GLIS3: variants seen among roughly 807,000 people sequenced by gnomAD.
GLIS3 encodes zinc finger protein GLIS3.
GLIS3 carries 53 observed loss-of-function variants against 78.6 expected under a neutral mutation model. The observed-to-expected ratio is 0.67, with a 90% confidence interval of 0.54 to 0.85. The LOEUF (loss-of-function observed/expected upper bound fraction) is 0.85, where lower values mean the gene tolerates loss of function less well. Ranked by LOEUF, GLIS3 falls within the 40% of genes least tolerant of loss-of-function variation. The pLI, the probability that GLIS3 is intolerant of heterozygous loss-of-function variation, is 0.00. For missense variants in GLIS3, 1,703 were observed against 1,231.1 expected, an observed-to-expected ratio of 1.38 and a Z score of -5.74; for synonymous variants, 684 against 509.9, an observed-to-expected ratio of 1.34 and a Z score of -4.60.
chr9:4,048,657 T>G (rs1320451347), intron 4 of GLIS3, among the ~76,000 whole-genome samples: 1 of 152,084 alleles, frequency 6.6e-6, no homozygotes, highest in Non-Finnish European at 1.5e-5. Flanking sequence ...CCATGATCAA[T>G]AGGTGGCAGC....
At chr9:4,159,897 A>T (rs1279326446) in intron 2 of GLIS3, among the ~76,000 whole-genome samples, 1 of 152,220 alleles carries the variant, frequency 6.6e-6, no homozygotes, top group Non-Finnish European at 1.5e-5. Context: ...AGAAGAGCTC[A>T]GACTCATGTC....
chr9:4,064,923 G>C (rs1484427171), intron 4 of GLIS3, among the ~76,000 whole-genome samples: 1 of 152,178 alleles, frequency 6.6e-6, no homozygotes, highest in Non-Finnish European at 1.5e-5. Flanking sequence ...CCAGGGAGCT[G>C]TAAGTATTTG....
intron 4 of GLIS3, among the ~76,000 whole-genome samples, chr9:4,069,249 G>C (rs1425165400): frequency 1.3e-5 from 2 of 152,142 alleles, no homozygotes; most frequent in African/African-American, 4.8e-5. Flanking sequence ...TCCAGATTTT[G>C]AGACTTACAG....
the GLIS3 span, among the ~76,000 whole-genome samples, chr9:4,418,202 C>A: frequency 6.6e-6 from 1 of 152,218 alleles, no homozygotes; most frequent in Non-Finnish European, 1.5e-5. Flanking sequence ...TTTGAAGAAG[C>A]TATTCTGAAA....
intron 4 of GLIS3, among the ~76,000 whole-genome samples, chr9:4,081,611 T>C (rs1190366984): frequency 4.6e-5 from 7 of 152,166 alleles, no homozygotes; most frequent in African/African-American, 1.4e-4. Context: ...GTTGGAAATA[T>C]ATTTTGATTG....
chr9:4,437,430 A>ATCTATCTATCTATCTG, the GLIS3 span, among the ~76,000 whole-genome samples: 159 of 89,828 alleles, frequency 1.8e-3, no homozygotes, highest in African/African-American at 4.7e-3. Flanking sequence ...GTATCTATCT[A>ATCTATCTATCTATCTG]TCTATCTATC....
At chr9:4,359,041 G>A in the GLIS3 span, among the ~76,000 whole-genome samples, 1 of 152,104 alleles carries the variant, frequency 6.6e-6, no homozygotes, top group African/African-American at 2.4e-5. Context: ...GCAGAGACTT[G>A]CAAAGTTTCC....
At chr9:4,389,068 C>T in the GLIS3 span, among the ~76,000 whole-genome samples, 1 of 152,192 alleles carries the variant, frequency 6.6e-6, no homozygotes, top group Admixed American at 6.5e-5. Context: ...CTCCGTAAGC[C>T]TGAATTGGAT....
At position 3,937,133 on chromosome 9, in the gene GLIS3, C is replaced by A. The variant is rs138100080; in HGVS notation, c.1767G>T (p.Arg589=). The A allele has an allele frequency of 2.9e-4, 473 of 1,614,124 alleles. 2 individuals carry two copies. The African/African-American group carries it at 4.6e-3, about 16-fold the overall frequency. The change falls in exon 5 of 11, where the codon CGG becomes CGT. Residue 589 remains arginine, a synonymous_variant. Transcript: ENST00000381971. ...SRLENLKIHL[R]SHTGEKPYLC... is the part of the protein sequence containing the mutation. ...AATACGGCTTCTCGCCTGTGTGGCT[C>A]CGCAAGTGGATCTTGAGATTTTCAA...
intron 4 of GLIS3, among the ~76,000 whole-genome samples, chr9:4,053,580 C>T (rs1486388531): frequency 6.6e-6 from 1 of 151,400 alleles, no homozygotes; most frequent in Admixed American, 6.6e-5. Context: ...AAAACAGTCC[C>T]AGGCACATAG....
the GLIS3 span, among the ~76,000 whole-genome samples, chr9:4,375,870 C>A: frequency 6.6e-6 from 1 of 152,028 alleles, no homozygotes; most frequent in Admixed American, 6.6e-5. Context: ...TCCTAAGAAA[C>A]TTTGGAATAG....
chr9:4,459,282 G>C, the GLIS3 span, among the ~76,000 whole-genome samples: 1 of 152,202 alleles, frequency 6.6e-6, no homozygotes, highest in East Asian at 1.9e-4. Flanking sequence ...GGGAATATAA[G>C]AGAAAGATAA....
At chr9:4,173,693 A>G (rs1390216147) in intron 2 of GLIS3, among the ~76,000 whole-genome samples, 1 of 151,986 alleles carries the variant, frequency 6.6e-6, no homozygotes, top group Non-Finnish European at 1.5e-5. Context: ...ACCTCCTGGG[A>G]TCAAAAGATC....
intron 6 of GLIS3, among the ~76,000 whole-genome samples, chr9:3,931,722 G>A (rs956987048): frequency 6.6e-6 from 1 of 152,210 alleles, no homozygotes; most frequent in Non-Finnish European, 1.5e-5. Flanking sequence ...CAGGATGGTT[G>A]GTCTCTAACA....
chr9:4,315,730 T>C (rs1587381477), intron 2 of GLIS3, among the ~76,000 whole-genome samples: 1 of 152,172 alleles, frequency 6.6e-6, no homozygotes, highest in East Asian at 1.9e-4. Context: ...CTTGAGATAC[T>C]GCTCTTAACC....
the GLIS3 span, among the ~76,000 whole-genome samples, chr9:4,466,322 A>C: frequency 1.3e-5 from 2 of 152,246 alleles, no homozygotes; most frequent in African/African-American, 4.8e-5. Flanking sequence ...ACAGCTTTCC[A>C]CAAAGAAACT....
intron 1 of GLIS3, among the ~76,000 whole-genome samples, chr9:4,297,120 CA>C (rs111499278): frequency 0.078 from 10,279 of 131,712 alleles, 702 homozygotes; most frequent in African/African-American, 0.2. Context: ...ATTTTGTACC[CA>C]AAAAAAAAAA....
the GLIS3 span, among the ~76,000 whole-genome samples, chr9:4,484,244 T>TTA: frequency 6.7e-6 from 1 of 148,174 alleles, no homozygotes; most frequent in Non-Finnish European, 1.5e-5. Context: ...TTTTTATTTT[T>TTA]TTTATTTTTT....
Position 3,842,349 on chromosome 9 carries a change from G to A in GLIS3, c.2474-12857C>T, listed in dbSNP as rs113136373. On this transcript the variant is annotated intron_variant, in intron 9 of 10. Coordinates refer to ENST00000381971, the MANE Select transcript of GLIS3 (RefSeq NM_001042413.2). Reference sequence around the variant, plus strand: ...TAGTCTGGTATGGTGGTGGGTGCCTGTAATCCCAGCTACTCGGCAGGCTGA... The same window carrying A: ...TAGTCTGGTATGGTGGTGGGTGCCTATAATCCCAGCTACTCGGCAGGCTGA... 4.0e-3 allele frequency among the ~76,000 whole-genome samples: 604 copies of A among 152,284 alleles called. 5 individuals carry two copies. Among genetic ancestry groups the A allele is most frequent in the African/African-American group, 0.014 (581 of 41,562 alleles).
Sources: gnomAD v4.1 joint callset for allele counts (sites outside exome capture counted in the v4.1 genomes callset) on GRCh38, gnomAD v4.1.1 for gene constraint, MANE v1.5 for transcripts, NCBI Gene and HGNC (gene_info 2026-07-23, HGNC 2026-07-21) for gene names.